The following ASCC3 variants were observed in gnomAD, a reference collection of about 807,000 sequenced individuals.
The protein encoded by ASCC3 is activating signal cointegrator 1 complex subunit 3.
In ASCC3, 158 loss-of-function variants were observed where a neutral mutation model predicts 256.3. The observed-to-expected ratio is 0.62, with a 90% confidence interval of 0.54 to 0.70. The LOEUF (loss-of-function observed/expected upper bound fraction) is 0.70, where lower values mean the gene tolerates loss of function less well. Ranked by LOEUF, ASCC3 falls within the 30% of genes least tolerant of loss-of-function variation. The probability of loss-of-function intolerance (pLI) is 0.00; values close to 1 mark genes in which losing one functional copy is unlikely to be tolerated. For synonymous variants in ASCC3, 948 were observed against 883.4 expected, an observed-to-expected ratio of 1.07 and a Z score of -1.30; for missense variants, 2,259 against 2,626.0, an observed-to-expected ratio of 0.86 and a Z score of 3.05.
intron 34 of ASCC3, among the ~76,000 whole-genome samples, chr6:100,593,477 A>G (rs994751929): frequency 7.9e-5 from 12 of 152,174 alleles, no homozygotes; most frequent in African/African-American, 2.7e-4. Flanking sequence ...TACTTTTTCA[A>G]ATCTTAATAC....
chr6:100,628,984 G>A (rs1182671717), intron 27 of ASCC3, 31 bp downstream of exon 27: 27 of 1,599,944 alleles, frequency 1.7e-5, no homozygotes, highest in Admixed American at 1.7e-4. Context: ...GTTAAAGTTT[G>A]TAAACTGGCT....
At chr6:100,557,126 T>C (rs866171192) in intron 36 of ASCC3, among the ~76,000 whole-genome samples, 1 of 152,194 alleles carries the variant, frequency 6.6e-6, no homozygotes, top group Admixed American at 6.5e-5. Flanking sequence ...CTAAGTTTTG[T>C]TGACTTATTC....
intron 36 of ASCC3, among the ~76,000 whole-genome samples, chr6:100,546,889 G>A (rs1459582465): frequency 6.6e-6 from 1 of 151,562 alleles, no homozygotes; most frequent in East Asian, 1.9e-4. Context: ...TTGACCCCAT[G>A]GAAAAAAATA....
intron 13 of ASCC3, among the ~76,000 whole-genome samples, chr6:100,707,078 T>C (rs1778622460): frequency 6.6e-6 from 1 of 152,068 alleles, no homozygotes; most frequent in Non-Finnish European, 1.5e-5. Flanking sequence ...GTTAAAACTT[T>C]GAAGACAAGA....
intron 36 of ASCC3, among the ~76,000 whole-genome samples, chr6:100,586,408 T>C (rs1161716029): frequency 6.6e-6 from 1 of 152,206 alleles, no homozygotes; most frequent in Admixed American, 6.5e-5. Flanking sequence ...TATAATCTCC[T>C]GATGCGCCAT....
chr6:100,798,569 A>T, intron 8 of ASCC3, 144 bp downstream of exon 8: 1 of 1,184,292 alleles, frequency 8.4e-7, no homozygotes, highest in South Asian at 1.4e-5. Context: ...AAACTCTCCT[A>T]CTGTAATTCT....
At chr6:100,843,365 G>A (rs1219004787) in intron 4 of ASCC3, among the ~76,000 whole-genome samples, 2 of 152,162 alleles carry the variant, frequency 1.3e-5, no homozygotes, top group Non-Finnish European at 2.9e-5. Flanking sequence ...CATCTGCATA[G>A]AGTCAAGAGA....
intron 13 of ASCC3, among the ~76,000 whole-genome samples, chr6:100,687,091 C>G (rs1168454840): frequency 6.6e-6 from 1 of 151,034 alleles, no homozygotes; most frequent in African/African-American, 2.4e-5. Flanking sequence ...CACATACACA[C>G]AGAGATGTCC....
chr6:100,520,751 G>A (rs180852661), intron 37 of ASCC3, among the ~76,000 whole-genome samples: 72 of 152,258 alleles, frequency 4.7e-4, no homozygotes, highest in Middle Eastern at 3.4e-3. Context: ...TGCTATACAG[G>A]CTCATAGCCT....
Position 100,645,031 on chromosome 6 carries a change from C to A in ASCC3, c.3634-902G>T, listed in dbSNP as rs575240668. Among the ~76,000 whole-genome samples the A allele has an allele frequency of 1.2e-4, 19 of 152,142 alleles. 1 individual carries two copies. ...TTCATTATGAAAGATAATATACTTT[C>A]GTCCTTAACTCAGCTTGAGGCAAGT... On this transcript the variant is annotated intron_variant, in intron 22 of 41. Transcript: ENST00000369162.
intron 25 of ASCC3, among the ~76,000 whole-genome samples, chr6:100,634,277 T>C (rs1774712651): frequency 6.6e-6 from 1 of 152,214 alleles, no homozygotes; most frequent in African/African-American, 2.4e-5. Flanking sequence ...CTTCTAGCTA[T>C]GTGAAACCAC....
In ASCC3 at chr6:100,725,798, C is replaced by T. The variant is rs12664223; in HGVS notation, c.1738-95G>A. On this transcript the variant is annotated intron_variant, in intron 10 of 41. Transcript: ENST00000369162. The stretch of plus-strand genomic sequence containing the variant: ...GAAAGAAATATTTTGGCCACCTCTA[C>T]ATAAATCAAATAAAAAGTGTTTAGA... 16,048 of 1,278,966 alleles carry T rather than the reference C, an allele frequency of 0.013. 794 individuals carry two copies. The East Asian group carries it at 0.13, about 10-fold the overall frequency. 79.2% of individuals were successfully genotyped at this position (1,278,966 alleles called of 1,614,324 possible). A position where few individuals can be genotyped will look rare whatever the true frequency, so the allele number is the denominator to read the frequency against.
At chr6:100,812,563 T>C (rs1462259818) in intron 4 of ASCC3, among the ~76,000 whole-genome samples, 2 of 151,900 alleles carry the variant, frequency 1.3e-5, no homozygotes, top group African/African-American at 4.8e-5. Context: ...CTAGAAGGAT[T>C]CAATAGTAGA....
chr6:100,795,196 G>GA (rs34224634), intron 8 of ASCC3, among the ~76,000 whole-genome samples: 2,395 of 147,298 alleles, frequency 0.016, 107 homozygotes, highest in East Asian at 0.15. Flanking sequence ...GAACTGGTTG[G>GA]AAAAAAAAAA....
In ASCC3 at chr6:100,767,114, T is replaced by C. The variant is rs748272636; in HGVS notation, c.1596+31A>G. ...CAAATTTATTTTATTCCTTACAATT[T>C]AAAAAGCTGTTGTCTGATTTATTTA... On this transcript the variant is annotated intron_variant, in intron 9 of 41. Coordinates refer to ENST00000369162, the MANE Select transcript of ASCC3 (RefSeq NM_006828.4). 22 of 1,597,746 alleles carry C rather than the reference T, an allele frequency of 1.4e-5. No homozygotes were observed. In the South Asian group the frequency reaches 1.9e-4, roughly 14 times the overall value.
chr6:100,668,219 T>A (rs1374104334), intron 14 of ASCC3, among the ~76,000 whole-genome samples: 4 of 151,962 alleles, frequency 2.6e-5, no homozygotes, highest in Non-Finnish European at 4.4e-5. Flanking sequence ...ATAATCTGTA[T>A]AGCTGTACAC....
At chr6:100,828,948 T>C (rs1360985272) in intron 4 of ASCC3, among the ~76,000 whole-genome samples, 2 of 152,074 alleles carry the variant, frequency 1.3e-5, no homozygotes, top group East Asian at 1.9e-4. Flanking sequence ...CCGAGTGGTC[T>C]GTTTTGACAG....
At chr6:100,648,721 C>T (rs1775509101) in intron 20 of ASCC3, among the ~76,000 whole-genome samples, 1 of 151,814 alleles carries the variant, frequency 6.6e-6, no homozygotes, top group African/African-American at 2.4e-5. Flanking sequence ...CCCACTTGTT[C>T]TTACAAAAAA....
chr6:100,848,599 T>G lies in ASCC3; in HGVS notation c.350A>C (p.Gln117Pro), dbSNP rs1439575977. Reference protein sequence around the residue: ...VGHKETKAIKQMFGPFPSSSA... With the variant: ...VGHKETKAIKPMFGPFPSSSA... ...TGATGAAGGAAAGGGGCCAAACATCTGTTTGATAGCCTTTGTTTCCTTGTG... is the reference window on the plus strand; with the variant it reads ...TGATGAAGGAAAGGGGCCAAACATCGGTTTGATAGCCTTTGTTTCCTTGTG... Residue 117 changes from glutamine to proline, a missense_variant, in exon 4 of 42, where the codon CAG becomes CCG. Physicochemically the swap from Gln to Pro is moderately conservative, Grantham distance 76 (BLOSUM62 -1). This residue lies in a region of ASCC3 where 420 missense variants were observed against 419.3 expected (regional missense o/e 1.00). Coordinates refer to ENST00000369162, the MANE Select transcript of ASCC3 (RefSeq NM_006828.4). 6.2e-7 allele frequency: 1 copy of G among 1,614,158 alleles called. No individual in the cohort carries two copies. The highest frequency in any genetic ancestry group is 8.5e-7 in the Non-Finnish European group (1 of 1,180,022).
Sources: allele counts gnomAD v4.1 joint callset (sites outside exome capture counted in the v4.1 genomes callset), GRCh38; gene constraint gnomAD v4.1.1; regional missense constraint gnomAD v4.1.1; transcripts MANE v1.5; gene names NCBI Gene and HGNC (gene_info 2026-07-23, HGNC 2026-07-21).